The following NFE2L2 variants were observed in gnomAD, a reference collection of about 807,000 sequenced individuals.
The protein encoded by NFE2L2 is NFE2 like bZIP transcription factor 2, also known as nuclear factor erythroid 2-related factor 2.
NFE2L2 carries 20 observed loss-of-function variants against 49.6 expected under a neutral mutation model. The ratio of observed to expected loss-of-function variants is 0.40; its 90% confidence interval spans 0.28 to 0.59. The LOEUF (loss-of-function observed/expected upper bound fraction) is 0.59, where lower values mean the gene tolerates loss of function less well. Ranked by LOEUF, NFE2L2 falls within the 20% of genes least tolerant of loss-of-function variation. The probability of loss-of-function intolerance (pLI) is 0.40; values close to 1 mark genes in which losing one functional copy is unlikely to be tolerated. For synonymous variants in NFE2L2, 244 were observed against 256.5 expected (o/e 0.95, Z 0.47); for missense variants, 578 against 714.2 (o/e 0.81, Z 2.17).
At position 177,231,699 on chromosome 2, in the gene NFE2L2, G is replaced by T. The variant is rs770847907; in HGVS notation, c.904C>A (p.Pro302Thr). 6.2e-7 allele frequency: 1 copy of T among 1,614,192 alleles called. No homozygotes were observed. The highest frequency in any genetic ancestry group is 2.2e-5 in the East Asian group (1 of 44,886). ...EPSISNSMPSPATLSHSLSEL... is the reference protein window; with the variant it reads ...EPSISNSMPSTATLSHSLSEL... ...GAGAGTGAATGGCTTAAAGTAGCAG[G>T]TGAGGGCATGCTGTTGCTGATACTG... Residue 302 changes from proline (P) to threonine (T), a missense_variant, in exon 5 of 5, where the codon CCT becomes ACT. This residue lies in a region of NFE2L2 where 368 missense variants were observed against 384.6 expected (regional missense o/e 0.96). Coordinates refer to ENST00000397062, the MANE Select transcript of NFE2L2 (RefSeq NM_006164.5).
intron 1 of NFE2L2, 196 bp downstream of exon 1, chr2:177,264,325 TGGTCGGTCGGA>T (rs905141636): frequency 2.4e-4 from 122 of 508,684 alleles, no homozygotes; most frequent in Middle Eastern, 5.1e-4. Flanking sequence ...CTCGGGCTCG[TGGTCGGTCGGA>T]TCACCCGGCC....
At chr2:177,247,390 C>T (rs1356568452) in intron 1 of NFE2L2, among the ~76,000 whole-genome samples, 1 of 152,036 alleles carries the variant, frequency 6.6e-6, no homozygotes, top group African/African-American at 2.4e-5. Flanking sequence ...GGCCGGGCGC[C>T]GTGGCTCAAG....
At chr2:177,253,040 C>A (rs530087882) in intron 1 of NFE2L2, among the ~76,000 whole-genome samples, 1 of 152,226 alleles carries the variant, frequency 6.6e-6, no homozygotes, top group Non-Finnish European at 1.5e-5. Context: ...TCTATGGCAA[C>A]CCCCAAGTTA....
intron 1 of NFE2L2, 103 bp downstream of exon 1, chr2:177,264,429 C>T: frequency 8.0e-7 from 1 of 1,255,832 alleles, no homozygotes; most frequent in Non-Finnish European, 1.1e-6. Flanking sequence ...TCTGGCCAGA[C>T]GTGGGGGAAG....
At chr2:177,261,153 A>C (rs1406760845) in intron 1 of NFE2L2, among the ~76,000 whole-genome samples, 1 of 148,504 alleles carries the variant, frequency 6.7e-6, no homozygotes, top group African/African-American at 2.5e-5. Flanking sequence ...CCTGGGCAAC[A>C]GAACAAGACT....
Position 177,230,953 on chromosome 2 carries a change from A to G in NFE2L2, c.1650T>C (p.Leu550=). 6.2e-7 allele frequency: 1 copy of G among 1,611,592 alleles called. No homozygotes were observed. The change falls in exon 5 of 5, where the codon CTT becomes CTC. Residue 550 remains leucine (L), a synonymous_variant. Coordinates refer to ENST00000397062, the MANE Select transcript of NFE2L2 (RefSeq NM_006164.5). ...TGCTGAGTTGTTTTTTCAGTAGGTG[A>G]AGGCTTTTGTCATTTTCTCCTTTTT... ...LKEKGENDKS[L]HLLKKQLSTL...
At chr2:177,244,271 C>T (rs892204832) in intron 1 of NFE2L2, among the ~76,000 whole-genome samples, 7 of 150,990 alleles carry the variant, frequency 4.6e-5, no homozygotes, top group Non-Finnish European at 8.8e-5. Flanking sequence ...CATTGCACTC[C>T]AGCCTGGGTG....
intron 1 of NFE2L2, among the ~76,000 whole-genome samples, chr2:177,240,405 G>T (rs746911408): frequency 3.5e-4 from 53 of 152,146 alleles, no homozygotes; most frequent in Non-Finnish European, 6.2e-4. Context: ...AGGGCCATGC[G>T]AGCACTGGCC....
chr2:177,232,915 T>TATTGCCC (rs1325465675), intron 3 of NFE2L2: 10 of 475,828 alleles, frequency 2.1e-5, no homozygotes, highest in Non-Finnish European at 3.7e-5. Context: ...AGTCTTCGTT[T>TATTGCCC]ATTGCCCAGC....
At chr2:177,242,047 T>C (rs936748849) in intron 1 of NFE2L2, among the ~76,000 whole-genome samples, 4 of 152,252 alleles carry the variant, frequency 2.6e-5, no homozygotes, top group Admixed American at 2.6e-4. Context: ...ATTACAAGAA[T>C]ATAGCAATAC....
Position 177,231,883 on chromosome 2 carries a change from A to G in NFE2L2, c.720T>C (p.Gly240=). Residue 240 remains glycine, a synonymous_variant, in exon 5 of 5, where the codon GGT becomes GGC. Transcript: ENST00000397062. ...CATTAAGAAAATGTGGACTACAGTTACCTACTTCTTTTTCCATTGAGGGTA... is the reference window on the plus strand; with the variant it reads ...CATTAAGAAAATGTGGACTACAGTTGCCTACTTCTTTTTCCATTGAGGGTA... ...SSIPSMEKEV[G]NCSPHFLNAF... 4 of 1,614,186 alleles carry G rather than the reference A, an allele frequency of 2.5e-6. No individual in the cohort carries two copies. The highest frequency in any genetic ancestry group is 3.4e-6 in the Non-Finnish European group (4 of 1,180,026).
At chr2:177,261,732 C>A (rs747271966) in intron 1 of NFE2L2, among the ~76,000 whole-genome samples, 1 of 152,212 alleles carries the variant, frequency 6.6e-6, no homozygotes, top group Non-Finnish European at 1.5e-5. Flanking sequence ...CACCCAGGGA[C>A]GTGCCCAGTA....
At chr2:177,254,617 G>A (rs534764193) in intron 1 of NFE2L2, among the ~76,000 whole-genome samples, 9 of 152,298 alleles carry the variant, frequency 5.9e-5, no homozygotes, top group African/African-American at 9.6e-5. Context: ...AGCCCCATGC[G>A]TCAACAGCGC....
intron 1 of NFE2L2, among the ~76,000 whole-genome samples, chr2:177,262,129 C>T (rs1396073870): frequency 1.3e-5 from 2 of 152,188 alleles, no homozygotes; most frequent in African/African-American, 4.8e-5. Flanking sequence ...CATTTATCCT[C>T]CTACATGCTG....
intron 1 of NFE2L2, among the ~76,000 whole-genome samples, chr2:177,245,665 A>G (rs1223465652): frequency 6.6e-6 from 1 of 151,700 alleles, no homozygotes; most frequent in East Asian, 1.9e-4. Context: ...GCTGGAGTGC[A>G]GTGGCACAAT....
In NFE2L2 at chr2:177,232,017, GA is replaced by G; in HGVS notation, c.595-10del. ...TTTTCAATATTAAGACACTGCATGA[GA>G]AGGAAGTTTATACTATATAAATCAA... On this transcript the variant is annotated splice_polypyrimidine_tract_variant and intron_variant, in intron 4 of 4. Transcript: ENST00000397062. 6.3e-7 allele frequency: 1 copy of G among 1,581,762 alleles called. No individual in the cohort carries two copies. The highest frequency in any genetic ancestry group is 8.6e-7 in the Non-Finnish European group (1 of 1,165,438).
intron 1 of NFE2L2, among the ~76,000 whole-genome samples, chr2:177,239,334 A>C (rs2105466756): frequency 6.6e-6 from 1 of 152,216 alleles, no homozygotes; most frequent in South Asian, 2.1e-4. Flanking sequence ...TAATAGGACC[A>C]AAATAGGTTT....
rs1217896899 is a variant in NFE2L2 at position 177,233,296 on chromosome 2, C to T, written c.356G>A (p.Cys119Tyr). ...PKSDALYFDD[C>Y]MQLLAQTFPF... Reference sequence around the variant, plus strand: ...GAATGTCTGCGCCAAAAGCTGCATGCAGTCATCAAAGTACAAAGCATCTGA... The same window carrying T: ...GAATGTCTGCGCCAAAAGCTGCATGTAGTCATCAAAGTACAAAGCATCTGA... The change falls in exon 3 of 5, where the codon TGC becomes TAC. Residue 119 changes from cysteine to tyrosine, a missense_variant. By Grantham distance (194) the Cys-to-Tyr change is radical. Coordinates refer to ENST00000397062, the MANE Select transcript of NFE2L2 (RefSeq NM_006164.5). 3 of 1,609,100 alleles carry T rather than the reference C, an allele frequency of 1.9e-6. No individual in the cohort carries two copies. Among genetic ancestry groups the T allele is most frequent in the Middle Eastern group, 1.7e-4 (1 of 6,058 alleles).
intron 1 of NFE2L2, among the ~76,000 whole-genome samples, chr2:177,244,117 G>A (rs1024678801): frequency 6.6e-6 from 1 of 151,658 alleles, no homozygotes; most frequent in Non-Finnish European, 1.5e-5. Flanking sequence ...TGGCTAACAC[G>A]GTGAAACCCC....
Sources: gnomAD v4.1 joint callset for allele counts (sites outside exome capture counted in the v4.1 genomes callset) on GRCh38, gnomAD v4.1.1 for gene constraint, gnomAD v4.1.1 regional missense constraint, MANE v1.5 for transcripts, NCBI Gene and HGNC (gene_info 2026-07-23, HGNC 2026-07-21) for gene names.